Variants in LRRC7 observed in about 807,000 individuals in gnomAD.
LRRC7 encodes leucine-rich repeat-containing protein 7.
In LRRC7, 23 loss-of-function variants were observed where a neutral mutation model predicts 175.7. That is an observed-to-expected ratio of 0.13 (90% CI 0.09 to 0.19). The LOEUF (loss-of-function observed/expected upper bound fraction) is 0.19. Ranked by LOEUF, LRRC7 falls within the 10% of genes least tolerant of loss-of-function variation. LRRC7 has a pLI of 1.00. For missense variants in LRRC7, 1,354 were observed against 1,904.7 expected (o/e 0.71, Z 5.38); for synonymous variants, 685 against 680.9 (o/e 1.01, Z -0.09).
At chr1:70,011,768 A>T in intron 11 of LRRC7, 29 bp from the exon 12 acceptor site, 1 of 1,480,122 alleles carries the variant, frequency 6.8e-7, no homozygotes, top group Non-Finnish European at 9.3e-7. Flanking sequence ...AACTTTTAAA[A>T]TGTCTAACTA....
intron 18 of LRRC7, among the ~76,000 whole-genome samples, 178 bp from the exon 19 acceptor site, chr1:70,035,942 GA>G (rs60722093): frequency 0.22 from 32,614 of 150,730 alleles, 3,557 homozygotes; most frequent in African/African-American, 0.23. Flanking sequence ...ACTTACATTA[GA>G]AAAAAAAAAT....
At chr1:69,793,497 C>T (rs1011436035) in intron 4 of LRRC7, among the ~76,000 whole-genome samples, 3 of 152,096 alleles carry the variant, frequency 2.0e-5, no homozygotes, top group Admixed American at 2.0e-4. Flanking sequence ...AACTCTCCTC[C>T]ACAAATATCT....
chr1:69,708,242 T>C lies in LRRC7; in HGVS notation c.100+29764T>C, dbSNP rs535042541. Among the ~76,000 whole-genome samples, 7 of 152,318 alleles carry C rather than the reference T, an allele frequency of 4.6e-5. No individual in the cohort carries two copies. In the South Asian group the frequency reaches 1.5e-3, roughly 32 times the overall value. ...TTTCAAGTCAAGTATTTCTGTCTTC[T>C]CTTCCAATTCATTTCCCACCTTTAA... On this transcript the variant is annotated intron_variant, in intron 2 of 26. Transcript: ENST00000651989.
intron 8 of LRRC7, among the ~76,000 whole-genome samples, chr1:69,934,752 G>T (rs1385190902): frequency 2.0e-5 from 3 of 151,986 alleles, no homozygotes; most frequent in African/African-American, 7.3e-5. Context: ...ACACTATTAG[G>T]CTGATGTATG....
chr1:69,834,898 T>C (rs1178501297), intron 6 of LRRC7, 29 bp downstream of exon 6: 2 of 1,554,960 alleles, frequency 1.3e-6, no homozygotes, highest in Non-Finnish European at 1.8e-6. Context: ...AATTATGCAA[T>C]TATATCTCAC....
intron 1 of LRRC7, among the ~76,000 whole-genome samples, chr1:69,676,889 G>C (rs1462333425): frequency 2.6e-5 from 4 of 152,042 alleles, no homozygotes; most frequent in Admixed American, 6.6e-5. Flanking sequence ...CCTGGATAGT[G>C]AACATTGTAC....
chr1:69,934,151 A>T (rs1647700432), intron 8 of LRRC7, among the ~76,000 whole-genome samples: 1 of 152,174 alleles, frequency 6.6e-6, no homozygotes, highest in African/African-American at 2.4e-5. Flanking sequence ...AAACAATGTC[A>T]TGTGGAGGAG....
intron 7 of LRRC7, 97 bp downstream of exon 7, chr1:69,838,380 G>T: frequency 1.0e-6 from 1 of 988,130 alleles, no homozygotes; most frequent in Non-Finnish European, 1.6e-6. Context: ...GGCACTTTGA[G>T]TTAATTTATC....
intron 9 of LRRC7, among the ~76,000 whole-genome samples, chr1:69,981,709 G>A (rs1003466311): frequency 1.2e-4 from 18 of 152,148 alleles, no homozygotes; most frequent in African/African-American, 4.1e-4. Context: ...GAGGCAACAC[G>A]AGACACTTAC....
At chr1:70,032,202 C>T (rs1283601438) in intron 18 of LRRC7, among the ~76,000 whole-genome samples, 1 of 152,178 alleles carries the variant, frequency 6.6e-6, no homozygotes, top group African/African-American at 2.4e-5. Flanking sequence ...TGCTTTGTTT[C>T]CCTCAAACAT....
chr1:69,578,910 C>A (rs952719635), intron 1 of LRRC7, among the ~76,000 whole-genome samples: 1 of 149,896 alleles, frequency 6.7e-6, no homozygotes, highest in South Asian at 2.1e-4. Context: ...GCACATTGTG[C>A]ACATGTACCC....
At chr1:69,639,598 G>A (rs1452209432) in intron 1 of LRRC7, among the ~76,000 whole-genome samples, 1 of 151,692 alleles carries the variant, frequency 6.6e-6, no homozygotes, top group Non-Finnish European at 1.5e-5. Context: ...TAGATTTCTG[G>A]CTCTCTGGCC....
At chr1:69,665,966 A>C (rs1658208454) in intron 1 of LRRC7, among the ~76,000 whole-genome samples, 1 of 152,048 alleles carries the variant, frequency 6.6e-6, no homozygotes, top group South Asian at 2.1e-4. Flanking sequence ...GATCTGTCAT[A>C]GGTGGCTTTT....
chr1:69,663,716 T>G (rs1657841862), intron 1 of LRRC7, among the ~76,000 whole-genome samples: 2 of 127,396 alleles, frequency 1.6e-5, no homozygotes, highest in Admixed American at 7.8e-5. Context: ...TTTTTTTTTT[T>G]TTTTTTTTTT....
chr1:69,578,607 C>G (rs967215631), intron 1 of LRRC7, among the ~76,000 whole-genome samples: 1 of 151,064 alleles, frequency 6.6e-6, no homozygotes, highest in Non-Finnish European at 1.5e-5. Context: ...GAATACTATG[C>G]GGCCATAAAA....
At chr1:69,573,750 TC>T (rs1645831988) in intron 1 of LRRC7, among the ~76,000 whole-genome samples, 1 of 152,194 alleles carries the variant, frequency 6.6e-6, no homozygotes, top group African/African-American at 2.4e-5. Context: ...ACACTCATTC[TC>T]ATTTTATTGT....
At chr1:69,648,572 C>G (rs1001827958) in intron 1 of LRRC7, among the ~76,000 whole-genome samples, 10 of 152,230 alleles carry the variant, frequency 6.6e-5, no homozygotes, top group African/African-American at 2.4e-4. Context: ...GGGGCCTTCA[C>G]TAGCAGCAGC....
chr1:69,873,580 G>A, intron 7 of LRRC7: 1 of 509,736 alleles, frequency 2.0e-6, no homozygotes, highest in Admixed American at 2.0e-5. Context: ...GGCAGCATCA[G>A]GAGCATCAGC....
At chr1:70,118,510 C>G (rs1008346620) in intron 26 of LRRC7, among the ~76,000 whole-genome samples, 3 of 152,104 alleles carry the variant, frequency 2.0e-5, no homozygotes, top group African/African-American at 4.8e-5. Context: ...GGAGGTGATA[C>G]AGCAACAATT....
Sources: gnomAD v4.1 joint callset for allele counts (sites outside exome capture counted in the v4.1 genomes callset) on GRCh38, gnomAD v4.1.1 for gene constraint, MANE v1.5 for transcripts, NCBI Gene and HGNC (gene_info 2026-07-23, HGNC 2026-07-21) for gene names.